FAM227B: variants seen among roughly 807,000 people sequenced by gnomAD.
The protein encoded by FAM227B is family with sequence similarity 227 member B.
A neutral mutation model predicts 73.8 loss-of-function variants in FAM227B; 88 were observed. That is an observed-to-expected ratio of 1.19 (90% CI 1.00 to 1.42). The LOEUF (loss-of-function observed/expected upper bound fraction) is 1.42, where lower values mean the gene tolerates loss of function less well. Ranked by LOEUF, FAM227B falls within the 40% of genes most tolerant of loss-of-function variation. The probability of loss-of-function intolerance (pLI) is 0.00; values close to 1 mark genes in which losing one functional copy is unlikely to be tolerated. For synonymous variants in FAM227B, 210 were observed against 190.5 expected (o/e 1.10, Z -0.84); for missense variants, 632 against 590.9 (o/e 1.07, Z -0.72).
chr15:49,427,106 C>T (rs1265897002), intron 11 of FAM227B, among the ~76,000 whole-genome samples: 1 of 151,870 alleles, frequency 6.6e-6, no homozygotes, highest in Non-Finnish European at 1.5e-5. Flanking sequence ...TAGCCATTTC[C>T]TATTATTTGA....
chr15:49,557,850 G>A (rs182920982), intron 9 of FAM227B, among the ~76,000 whole-genome samples: 26 of 152,336 alleles, frequency 1.7e-4, no homozygotes, highest in African/African-American at 6.3e-4. Context: ...GGGCCCTACA[G>A]GCCTTGAATC....
chr15:49,360,695 C>T (rs1243908267), intron 13 of FAM227B, among the ~76,000 whole-genome samples: 1 of 152,084 alleles, frequency 6.6e-6, no homozygotes, highest in African/African-American at 2.4e-5. Context: ...CTGTTTTACT[C>T]ATAATTCAAA....
chr15:49,476,242 T>TTTTTTTTTTTTTTTTTTTTTTTTTTTTC (rs2055299075), intron 11 of FAM227B, among the ~76,000 whole-genome samples: 1 of 149,834 alleles, frequency 6.7e-6, no homozygotes, highest in Non-Finnish European at 1.5e-5. Context: ...GTTTTTTTTT[T>TTTTTTTTTTTTTTTTTTTTTTTTTTTTC]TTTGCATTTG....
At chr15:49,479,324 G>T (rs1488336318) in intron 11 of FAM227B, among the ~76,000 whole-genome samples, 3 of 151,996 alleles carry the variant, frequency 2.0e-5, no homozygotes, top group African/African-American at 4.8e-5. Flanking sequence ...ATGCATCTAT[G>T]TAATATGCTT....
At chr15:49,328,853 A>G in intron 15 of FAM227B, 178 bp from the exon 16 acceptor site, 1 of 1,353,096 alleles carries the variant, frequency 7.4e-7, no homozygotes, top group Non-Finnish European at 9.5e-7. Context: ...CATGTAATAT[A>G]TAAATAACCA....
At chr15:49,348,833 C>T (rs2041881048) in intron 13 of FAM227B, among the ~76,000 whole-genome samples, 1 of 152,238 alleles carries the variant, frequency 6.6e-6, no homozygotes, top group African/African-American at 2.4e-5. Flanking sequence ...TTGATATTCA[C>T]TTAAACTATT....
At chr15:49,363,956 A>C (rs767596881) in intron 13 of FAM227B, among the ~76,000 whole-genome samples, 1 of 152,122 alleles carries the variant, frequency 6.6e-6, no homozygotes, top group Non-Finnish European at 1.5e-5. Flanking sequence ...TGTGTCCAAG[A>C]GGTAAAGCCT....
chr15:49,469,132 G>A (rs886969787), intron 11 of FAM227B, among the ~76,000 whole-genome samples: 1 of 152,008 alleles, frequency 6.6e-6, no homozygotes, highest in African/African-American at 2.4e-5. Flanking sequence ...TAAAATAAAT[G>A]TAAGACTGAA....
chr15:49,425,436 T>C (rs1310680930), intron 11 of FAM227B: 2 of 152,056 alleles, frequency 1.3e-5, no homozygotes, highest in Admixed American at 6.6e-5. Context: ...TGGAATAAGA[T>C]ACACACCTCA....
At chr15:49,531,156 C>T (rs1336829721) in intron 10 of FAM227B, among the ~76,000 whole-genome samples, 1 of 151,706 alleles carries the variant, frequency 6.6e-6, no homozygotes, top group Non-Finnish European at 1.5e-5. Context: ...TTGAAATATT[C>T]TTAGGTAAAA....
chr15:49,467,766 A>G (rs1375918289), intron 11 of FAM227B, among the ~76,000 whole-genome samples: 2 of 152,156 alleles, frequency 1.3e-5, no homozygotes, highest in African/African-American at 4.8e-5. Context: ...AACAAAGAGT[A>G]TTTCCTCCTG....
chr15:49,564,710 C>A (rs2074507400), intron 9 of FAM227B, among the ~76,000 whole-genome samples: 1 of 152,012 alleles, frequency 6.6e-6, no homozygotes, highest in African/African-American at 2.4e-5. Context: ...CAGCTGGAGG[C>A]CATTAATCTA....
chr15:49,557,454 G>A (rs972375276), intron 9 of FAM227B, among the ~76,000 whole-genome samples: 5 of 152,154 alleles, frequency 3.3e-5, no homozygotes, highest in Admixed American at 3.3e-4. Flanking sequence ...CTTTTAGAAA[G>A]TCATGTACAG....
chr15:49,550,120 C>G (rs1341007094), intron 9 of FAM227B, among the ~76,000 whole-genome samples: 3 of 143,098 alleles, frequency 2.1e-5, no homozygotes, highest in South Asian at 4.5e-4. Context: ...CTGACCCCCC[C>G]ACCTCCCTCC....
rs779619453 is a variant in FAM227B, at chr15:49,589,893, C to T, written c.220G>A (p.Val74Ile). The T allele has an allele frequency of 5.6e-6, 9 of 1,593,442 alleles. No individual in the cohort carries two copies. The East Asian group carries it at 1.3e-4, about 24-fold the overall frequency. ...VSIYTHLWEN[V>I]PRIFEALLIM... is the part of the protein sequence containing the mutation. ...AAAAGTGCTTCAAATATTCGAGGAA[C>T]ATTTTCCCATAGGTGTGTATAAATT... Residue 74 changes from valine (V) to isoleucine (I), a missense_variant, in exon 4 of 16, where the codon GTT becomes ATT. Physicochemically the swap from Val to Ile is conservative, Grantham distance 29. Transcript: ENST00000299338.
At chr15:49,406,066 T>G (rs2048487226) in intron 11 of FAM227B, among the ~76,000 whole-genome samples, 1 of 152,184 alleles carries the variant, frequency 6.6e-6, no homozygotes, top group Admixed American at 6.5e-5. Context: ...GAGGGACTTG[T>G]ATTGGGCCCT....
chr15:49,414,071 G>A (rs1476364437), intron 11 of FAM227B, among the ~76,000 whole-genome samples: 4 of 151,776 alleles, frequency 2.6e-5, no homozygotes, highest in Non-Finnish European at 5.9e-5. Flanking sequence ...AATAATTTAA[G>A]CTCTAAGTCA....
chr15:49,534,955 G>C (rs998077839), intron 10 of FAM227B, among the ~76,000 whole-genome samples: 2 of 151,354 alleles, frequency 1.3e-5, no homozygotes, highest in African/African-American at 2.4e-5. Context: ...TTCTGAGTTG[G>C]AAATGTATAG....
chr15:49,460,640 C>A (rs938229091), intron 11 of FAM227B, among the ~76,000 whole-genome samples: 1 of 152,106 alleles, frequency 6.6e-6, no homozygotes. Context: ...AATATTTTAA[C>A]CCACACACAT....
Sources: allele counts gnomAD v4.1 joint callset (sites outside exome capture counted in the v4.1 genomes callset), GRCh38; gene constraint gnomAD v4.1.1; transcripts MANE v1.5; gene names NCBI Gene and HGNC (gene_info 2026-07-23, HGNC 2026-07-21).